GPATCH2L: variants seen among roughly 807,000 people sequenced by gnomAD.
GPATCH2L encodes G-patch domain containing 2 like.
Under a neutral mutation model 57.4 loss-of-function variants are expected in GPATCH2L, and 31 were observed. The ratio of observed to expected loss-of-function variants is 0.54; its 90% CI spans 0.41 to 0.73. The LOEUF is 0.73. Among genes scored for constraint, GPATCH2L ranks in the 30% least tolerant of loss-of-function variants. The probability of loss-of-function intolerance (pLI) is 0.00; values close to 1 mark genes in which losing one functional copy is unlikely to be tolerated. For missense variants in GPATCH2L, 481 were observed against 599.9 expected (o/e 0.80, Z 2.07); for synonymous variants, 199 against 210.7 (o/e 0.94, Z 0.48).
At chr14:76,182,855 G>A (rs1159440221) in intron 8 of GPATCH2L, among the ~76,000 whole-genome samples, 1 of 152,170 alleles carries the variant, frequency 6.6e-6, no homozygotes, top group African/African-American at 2.4e-5. Context: ...AAGGCTCAGG[G>A]AGATCTTTTT....
chr14:76,219,058 C>T (rs1411296457), downstream of GPATCH2L, among the ~76,000 whole-genome samples: 1 of 149,058 alleles, frequency 6.7e-6, no homozygotes, highest in African/African-American at 2.5e-5. Flanking sequence ...TGGGGAAGGC[C>T]TTTCTAAGTA....
chr14:76,171,783 A>G (rs2039097420), intron 3 of GPATCH2L, 60 bp from the exon 4 acceptor site: 2 of 1,024,294 alleles, frequency 2.0e-6, no homozygotes, highest in South Asian at 1.8e-5. Context: ...CATCCCTCCC[A>G]TTTGTTTTTC....
downstream of GPATCH2L, among the ~76,000 whole-genome samples, chr14:76,215,394 G>A (rs2040482588): frequency 6.6e-6 from 1 of 151,944 alleles, no homozygotes; most frequent in African/African-American, 2.4e-5. Flanking sequence ...AATACCATTT[G>A]ACCCAGCCAT....
At chr14:76,197,657 C>T (rs1034222618) in intron 9 of GPATCH2L, among the ~76,000 whole-genome samples, 2 of 152,174 alleles carry the variant, frequency 1.3e-5, no homozygotes, top group African/African-American at 4.8e-5. Context: ...TCGGATTCCA[C>T]CTCTTTTATA....
chr14:76,200,513 G>A (rs1349507994), intron 9 of GPATCH2L, among the ~76,000 whole-genome samples: 3 of 152,194 alleles, frequency 2.0e-5, no homozygotes, highest in Non-Finnish European at 2.9e-5. Context: ...AGAGAGATTT[G>A]AGTTGTCAAA....
chr14:76,222,721 C>T (rs1326558739), intron 1 of GPATCH2L, among the ~76,000 whole-genome samples: 8 of 152,118 alleles, frequency 5.3e-5, no homozygotes, highest in Non-Finnish European at 4.4e-5. Context: ...CTTTGGGAGA[C>T]TGAGGCAGGT....
intron 7 of GPATCH2L, chr14:76,179,695 T>C (rs1386948014): frequency 6.6e-6 from 1 of 152,146 alleles, no homozygotes; most frequent in African/African-American, 2.4e-5. Context: ...TGTCAGAGGG[T>C]ATTAAGTTCT....
downstream of GPATCH2L, among the ~76,000 whole-genome samples, chr14:76,214,585 A>G (rs2040475999): frequency 6.6e-6 from 1 of 152,204 alleles, no homozygotes; most frequent in African/African-American, 2.4e-5. Flanking sequence ...TTGTGTCCTC[A>G]CATGGTGAAG....
At chr14:76,160,935 T>C (rs2038552406) in intron 2 of GPATCH2L, among the ~76,000 whole-genome samples, 1 of 152,242 alleles carries the variant, frequency 6.6e-6, no homozygotes, top group African/African-American at 2.4e-5. Flanking sequence ...CTGATTGTAC[T>C]AGTCACAGTA....
rs1261359984 is a variant in GPATCH2L at position 76,184,976 on chromosome 14, A to G, written c.1193+4127A>G. Among the ~76,000 whole-genome samples the G allele has an allele frequency of 3.3e-5, 5 of 152,308 alleles. 1 individual carries two copies. Among genetic ancestry groups the G allele is most frequent in the African/African-American group, 1.2e-4 (5 of 41,574 alleles). The stretch of plus-strand genomic sequence containing the variant: ...TGCTTAATAGGGTCTCCCCTTTCAT[A>G]ATTGGTGCAAACTCTGTACTTTGGT... On this transcript the variant is annotated intron_variant, in intron 8 of 9. Transcript: ENST00000261530.
In GPATCH2L at chr14:76,208,435, C is replaced by G. The variant is rs925152124; in HGVS notation, c.*6584C>G. 2 of 152,136 alleles carry G rather than the reference C, an allele frequency of 1.3e-5. No homozygotes were observed. The highest frequency in any genetic ancestry group is 4.8e-5 in the African/African-American group (2 of 41,424). The allele number at this position is 152,136 out of a possible 1,614,324, so 9.4% of individuals were successfully genotyped here. A position where few individuals can be genotyped will look rare whatever the true frequency, so the allele number is the denominator to read the frequency against. On this transcript the variant is annotated 3_prime_UTR_variant, in exon 10 of 10. Coordinates refer to ENST00000261530, the MANE Select transcript of GPATCH2L (RefSeq NM_017926.4). ...TCTCAGTATTGATGTCAAACTCCCT[C>G]CTGTTGTCAGCAGCTTATTGCAAAC...
intron 8 of GPATCH2L, 87 bp downstream of exon 8, chr14:76,180,936 T>C: frequency 2.5e-6 from 2 of 800,746 alleles, no homozygotes; most frequent in Non-Finnish European, 4.3e-6. Context: ...TATGCTTGTG[T>C]ACAGTATCCA....
At position 76,212,115 on chromosome 14, in the gene GPATCH2L, A is replaced by G. The variant is rs991735464; in HGVS notation, c.*10264A>G. 8 of 152,194 alleles carry G rather than the reference A, an allele frequency of 5.3e-5. No homozygotes were observed. Among genetic ancestry groups the G allele is most frequent in the African/African-American group, 1.9e-4 (8 of 41,464 alleles). The allele number at this position is 152,194 out of a possible 1,614,324, so 9.4% of individuals were successfully genotyped here. A position where few individuals can be genotyped will look rare whatever the true frequency, so the allele number is the denominator to read the frequency against. ...TGAAAATATGATTAAAGAGATTATC[A>G]CTAGAAGAAAAATTCAGACTGCTAA... On this transcript the variant is annotated 3_prime_UTR_variant, in exon 10 of 10. Transcript: ENST00000261530.
In GPATCH2L at chr14:76,202,100, C is replaced by T. The variant is rs969482525; in HGVS notation, c.*249C>T. On this transcript the variant is annotated 3_prime_UTR_variant, in exon 10 of 10. Transcript: ENST00000261530. ...AGGTCATCCTCTGCTCTATTTGTTACCTTGTTATTGCTGTCTCAACATTTA... is the reference window on the plus strand; with the variant it reads ...AGGTCATCCTCTGCTCTATTTGTTATCTTGTTATTGCTGTCTCAACATTTA... 1.5e-5 allele frequency: 5 copies of T among 337,668 alleles called. No homozygotes were observed. The highest frequency in any genetic ancestry group is 2.7e-5 in the Non-Finnish European group (5 of 186,980). 20.9% of individuals were successfully genotyped at this position (337,668 alleles called of 1,614,324 possible).
Position 76,212,051 on chromosome 14 carries a change from G to A in GPATCH2L, c.*10200G>A, listed in dbSNP as rs1002646201. Reference sequence around the variant, plus strand: ...TCATTGCTCATAGTAGAGAATTAAGGTATATTGACTAGTGAAATAGAGGAT... The same window carrying A: ...TCATTGCTCATAGTAGAGAATTAAGATATATTGACTAGTGAAATAGAGGAT... On this transcript the variant is annotated 3_prime_UTR_variant, in exon 10 of 10. Transcript: ENST00000261530. The A allele has an allele frequency of 6.6e-6, 1 of 151,988 alleles. No individual in the cohort carries two copies. The highest frequency in any genetic ancestry group is 1.5e-5 in the Non-Finnish European group (1 of 67,994). The allele number at this position is 151,988 out of a possible 1,614,324, so 9.4% of individuals were successfully genotyped here.
At chr14:76,227,104 G>A (rs1320588638) in intron 1 of GPATCH2L, among the ~76,000 whole-genome samples, 2 of 152,172 alleles carry the variant, frequency 1.3e-5, no homozygotes, top group African/African-American at 2.4e-5. Flanking sequence ...CTGTCTGAGA[G>A]CTCCAGCCCT....
intron 6 of GPATCH2L, among the ~76,000 whole-genome samples, chr14:76,177,478 G>C (rs755247783): frequency 1.3e-5 from 2 of 151,592 alleles, no homozygotes; most frequent in Non-Finnish European, 2.9e-5. Context: ...CATATATCTT[G>C]TATGCATCAT....
chr14:76,167,954 G>T (rs1412867310), intron 3 of GPATCH2L, among the ~76,000 whole-genome samples: 1 of 152,138 alleles, frequency 6.6e-6, no homozygotes, highest in Non-Finnish European at 1.5e-5. Context: ...AGAAAGTGTG[G>T]ACCTGTTACA....
At position 76,202,396 on chromosome 14, in the gene GPATCH2L, A is replaced by T. The variant is rs377576088; in HGVS notation, c.*545A>T. On this transcript the variant is annotated 3_prime_UTR_variant, in exon 10 of 10. Coordinates refer to ENST00000261530, the MANE Select transcript of GPATCH2L (RefSeq NM_017926.4). ...ACCAAGTTTTGGGGCCTCAAAAGAGACACCAGCAACTGGGCCTTGAGAACT... is the reference window on the plus strand; with the variant it reads ...ACCAAGTTTTGGGGCCTCAAAAGAGTCACCAGCAACTGGGCCTTGAGAACT... The T allele has an allele frequency of 6.6e-6, 1 of 152,652 alleles. No homozygotes were observed. The highest frequency in any genetic ancestry group is 1.5e-5 in the Non-Finnish European group (1 of 68,068). The allele number at this position is 152,652 out of a possible 1,614,324, so 9.5% of individuals were successfully genotyped here. A position where few individuals can be genotyped will look rare whatever the true frequency, so the allele number is the denominator to read the frequency against.
Sources: gnomAD v4.1 joint callset for allele counts (sites outside exome capture counted in the v4.1 genomes callset) on GRCh38, gnomAD v4.1.1 for gene constraint, MANE v1.5 for transcripts, NCBI Gene and HGNC (gene_info 2026-07-23, HGNC 2026-07-21) for gene names.